CNTNAP2: variants seen among roughly 807,000 people sequenced by gnomAD.
CNTNAP2 encodes contactin associated protein 2, also known as contactin-associated protein-like 2.
Under a neutral mutation model 155.2 loss-of-function variants are expected in CNTNAP2, and 98 were observed. That is an observed-to-expected ratio of 0.63 (90% CI 0.54 to 0.75). The LOEUF (loss-of-function observed/expected upper bound fraction) is 0.75. CNTNAP2 is among the 30% of genes least tolerant of loss of function. CNTNAP2 has a pLI of 0.00. For missense variants in CNTNAP2, 1,727 were observed against 1,688.1 expected (o/e 1.02, Z -0.40); for synonymous variants, 651 against 631.2 (o/e 1.03, Z -0.47).
At chr7:146,915,308 G>T (rs1432898792) in intron 3 of CNTNAP2, among the ~76,000 whole-genome samples, 1 of 151,844 alleles carries the variant, frequency 6.6e-6, no homozygotes, top group African/African-American at 2.4e-5. Flanking sequence ...CTTTTCTGAT[G>T]CCATATAAAT....
chr7:148,058,995 G>T (rs897562087), intron 15 of CNTNAP2, among the ~76,000 whole-genome samples: 32 of 151,986 alleles, frequency 2.1e-4, no homozygotes, highest in African/African-American at 7.3e-4. Flanking sequence ...TTCATCAAGG[G>T]CCATCAAGGG....
chr7:146,531,996 G>A (rs2129139369), intron 1 of CNTNAP2, among the ~76,000 whole-genome samples: 1 of 152,100 alleles, frequency 6.6e-6, no homozygotes, highest in Middle Eastern at 3.4e-3. Context: ...TGTTGAGAAA[G>A]TATTGGCAGT....
chr7:146,689,548 G>C (rs1029393301), intron 1 of CNTNAP2, among the ~76,000 whole-genome samples: 11 of 152,116 alleles, frequency 7.2e-5, no homozygotes, highest in African/African-American at 2.4e-4. Context: ...TCATTTATCT[G>C]TCTGTACCTC....
chr7:148,048,506 C>T (rs1001316595), intron 15 of CNTNAP2, among the ~76,000 whole-genome samples: 13 of 152,194 alleles, frequency 8.5e-5, no homozygotes, highest in African/African-American at 2.9e-4. Context: ...GGCAGGGAGG[C>T]TGGGTGAGGG....
At chr7:148,169,600 G>A (rs146163783) in intron 17 of CNTNAP2, among the ~76,000 whole-genome samples, 1 of 152,284 alleles carries the variant, frequency 6.6e-6, no homozygotes, top group Non-Finnish European at 1.5e-5. Context: ...AAGTGATAGT[G>A]CATTCACAGA....
chr7:147,170,890 T>A (rs1802213370), intron 8 of CNTNAP2, among the ~76,000 whole-genome samples: 1 of 152,108 alleles, frequency 6.6e-6, no homozygotes, highest in Non-Finnish European at 1.5e-5. Flanking sequence ...CTCAGTGCCG[T>A]GGGGAAGCTC....
At chr7:146,251,720 T>C (rs568441167) in intron 1 of CNTNAP2, among the ~76,000 whole-genome samples, 31 of 152,330 alleles carry the variant, frequency 2.0e-4, no homozygotes, top group African/African-American at 7.0e-4. Context: ...TAACTTAATA[T>C]TCCATGATTA....
intron 14 of CNTNAP2, among the ~76,000 whole-genome samples, chr7:147,946,495 G>A (rs1390152599): frequency 1.3e-5 from 2 of 152,052 alleles, no homozygotes; most frequent in Non-Finnish European, 2.9e-5. Flanking sequence ...ACATAAGCAT[G>A]ACAGAAGGTT....
intron 8 of CNTNAP2, among the ~76,000 whole-genome samples, chr7:147,293,010 T>C (rs1318627186): frequency 1.3e-5 from 2 of 152,174 alleles, no homozygotes; most frequent in Non-Finnish European, 2.9e-5. Flanking sequence ...TTGGGTGATA[T>C]GCCCGCTTCT....
intron 20 of CNTNAP2, among the ~76,000 whole-genome samples, chr7:148,253,023 T>TAGAC: frequency 7.9e-6 from 1 of 126,634 alleles, no homozygotes; most frequent in East Asian, 2.2e-4. Context: ...GATAGATAGA[T>TAGAC]AGATAGATAG....
intron 1 of CNTNAP2, among the ~76,000 whole-genome samples, chr7:146,485,163 A>AT (rs35065017): frequency 0.01 from 1,513 of 149,348 alleles, 13 homozygotes; most frequent in African/African-American, 0.026. Flanking sequence ...GCTAATTGCT[A>AT]TTTTTTTTTT....
At chr7:146,336,320 A>G (rs1467258747) in intron 1 of CNTNAP2, among the ~76,000 whole-genome samples, 5 of 152,160 alleles carry the variant, frequency 3.3e-5, no homozygotes, top group Admixed American at 1.3e-4. Context: ...TCGGTAATTT[A>G]CTAGAAATGC....
intron 13 of CNTNAP2, among the ~76,000 whole-genome samples, chr7:147,655,060 G>A (rs942093344): frequency 7.3e-5 from 11 of 151,520 alleles, no homozygotes; most frequent in African/African-American, 1.9e-4. Flanking sequence ...TGATCCACCC[G>A]CCTGGGCCTC....
At chr7:146,949,804 T>C (rs1424840045) in intron 3 of CNTNAP2, among the ~76,000 whole-genome samples, 1 of 152,170 alleles carries the variant, frequency 6.6e-6, no homozygotes, top group Non-Finnish European at 1.5e-5. Flanking sequence ...TTAACATTTC[T>C]CCCTGTTCAA....
At chr7:146,422,068 A>G (rs1376252392) in intron 1 of CNTNAP2, among the ~76,000 whole-genome samples, 1 of 151,478 alleles carries the variant, frequency 6.6e-6, no homozygotes, top group Non-Finnish European at 1.5e-5. Flanking sequence ...TTTTCACATC[A>G]ACTGTATTAT....
intron 8 of CNTNAP2, among the ~76,000 whole-genome samples, chr7:147,266,952 A>G (rs1184705145): frequency 6.6e-6 from 1 of 152,332 alleles, no homozygotes; most frequent in East Asian, 1.9e-4. Flanking sequence ...AATGGCAAAA[A>G]GAAGAGATAA....
chr7:147,678,604 T>A (rs140716491), intron 13 of CNTNAP2, among the ~76,000 whole-genome samples: 2,484 of 151,962 alleles, frequency 0.016, 221 homozygotes, highest in Admixed American at 0.15. Flanking sequence ...AGCAAGGGGA[T>A]TCATTTGCCT....
intron 3 of CNTNAP2, among the ~76,000 whole-genome samples, chr7:146,940,114 C>T (rs923959197): frequency 2.0e-5 from 3 of 152,146 alleles, no homozygotes; most frequent in Admixed American, 6.5e-5. Context: ...TACATCTATA[C>T]TGCCTATTTT....
At chr7:147,474,055 G>A (rs1798272768) in intron 10 of CNTNAP2, among the ~76,000 whole-genome samples, 1 of 151,748 alleles carries the variant, frequency 6.6e-6, no homozygotes, top group Non-Finnish European at 1.5e-5. Flanking sequence ...CTGCAGCCTG[G>A]GAGACAAGTA....
Sources: allele counts gnomAD v4.1 joint callset (sites outside exome capture counted in the v4.1 genomes callset), GRCh38; gene constraint gnomAD v4.1.1; transcripts MANE v1.5; gene names NCBI Gene and HGNC (gene_info 2026-07-23, HGNC 2026-07-21).